UIMC1: variants seen among roughly 807,000 people sequenced by gnomAD.
UIMC1 encodes BRCA1-A complex subunit RAP80.
In UIMC1, 42 loss-of-function variants were observed where a neutral mutation model predicts 84.9. The ratio of observed to expected loss-of-function variants is 0.49; its 90% CI spans 0.39 to 0.64. The LOEUF (loss-of-function observed/expected upper bound fraction) is 0.64, where lower values mean the gene tolerates loss of function less well. Among genes scored for constraint, UIMC1 ranks in the 30% least tolerant of loss-of-function variants. The pLI is 0.00. For synonymous variants in UIMC1, 281 were observed against 293.0 expected, an observed-to-expected ratio of 0.96 and a Z score of 0.42; for missense variants, 825 against 847.6, an observed-to-expected ratio of 0.97 and a Z score of 0.33.
chr5:176,977,844 G>C (rs2149496052), intron 2 of UIMC1, among the ~76,000 whole-genome samples: 1 of 151,844 alleles, frequency 6.6e-6, no homozygotes, highest in Middle Eastern at 3.4e-3. Context: ...CTGGGAAGCA[G>C]AGGTTGCAGT....
At chr5:176,939,033 G>A (rs1764077855) in intron 10 of UIMC1, among the ~76,000 whole-genome samples, 3 of 151,550 alleles carry the variant, frequency 2.0e-5, no homozygotes, top group Non-Finnish European at 4.4e-5. Context: ...CGGGATGCCT[G>A]CTTGGGCCCA....
intron 1 of UIMC1, among the ~76,000 whole-genome samples, chr5:176,995,784 G>A (rs1206158487): frequency 3.4e-5 from 5 of 148,720 alleles, no homozygotes; most frequent in Admixed American, 2.0e-4. Flanking sequence ...CAGAGGTTGC[G>A]GTGAGCCGAG....
chr5:177,012,913 C>CA (rs1003417592), intron 1 of UIMC1, among the ~76,000 whole-genome samples: 2 of 150,936 alleles, frequency 1.3e-5, no homozygotes, highest in Non-Finnish European at 3.0e-5. Context: ...CCCATCTCTA[C>CA]AAAAAATGAA....
chr5:177,010,076 T>C (rs1195795002), upstream of UIMC1, among the ~76,000 whole-genome samples: 2 of 151,390 alleles, frequency 1.3e-5, no homozygotes, highest in Non-Finnish European at 2.9e-5. Flanking sequence ...AGTAGCCGCA[T>C]GTGGTGGTGT....
intron 3 of UIMC1, among the ~76,000 whole-genome samples, chr5:176,973,664 G>A (rs1421928486): frequency 1.3e-5 from 2 of 152,070 alleles, no homozygotes; most frequent in Non-Finnish European, 2.9e-5. Context: ...AGCTACTCAG[G>A]AGGCAGAGGT....
intron 1 of UIMC1, among the ~76,000 whole-genome samples, chr5:177,000,098 C>T (rs1026935091): frequency 2.6e-5 from 4 of 152,100 alleles, no homozygotes; most frequent in Non-Finnish European, 4.4e-5. Context: ...AGCTGGGATA[C>T]AGGCGCCCGC....
At chr5:176,949,212 G>A (rs1422972269) in intron 9 of UIMC1, among the ~76,000 whole-genome samples, 1 of 151,992 alleles carries the variant, frequency 6.6e-6, no homozygotes, top group East Asian at 1.9e-4. Context: ...TTGGTGTGCT[G>A]CACCCTTTTA....
upstream of UIMC1, among the ~76,000 whole-genome samples, chr5:177,007,340 C>CAAA (rs56871601): frequency 0.017 from 969 of 58,030 alleles, 15 homozygotes; most frequent in Middle Eastern, 0.038. Flanking sequence ...GACTCCGTCT[C>CAAA]AAAAAAAAAA....
chr5:176,921,864 TTCA>T (rs1264641179), intron 10 of UIMC1, among the ~76,000 whole-genome samples: 1 of 152,180 alleles, frequency 6.6e-6, no homozygotes, highest in East Asian at 1.9e-4. Flanking sequence ...CCTATGGCTT[TTCA>T]TCATATTTGG....
At chr5:176,937,624 C>T (rs945338585) in intron 10 of UIMC1, among the ~76,000 whole-genome samples, 2 of 152,232 alleles carry the variant, frequency 1.3e-5, no homozygotes, top group Non-Finnish European at 2.9e-5. Flanking sequence ...ATAATCAAAA[C>T]TTACAGCAAA....
upstream of UIMC1, among the ~76,000 whole-genome samples, chr5:177,010,117 G>A (rs978965169): frequency 1.3e-5 from 2 of 152,128 alleles, no homozygotes; most frequent in African/African-American, 4.8e-5. Context: ...TCGAGAGGCC[G>A]AGGCAGAAGG....
intron 10 of UIMC1, among the ~76,000 whole-genome samples, chr5:176,916,032 A>T (rs545640461): frequency 6.6e-6 from 1 of 152,294 alleles, no homozygotes; most frequent in South Asian, 2.1e-4. Context: ...AAATGTTATG[A>T]TCACAATGGA....
upstream of UIMC1, among the ~76,000 whole-genome samples, chr5:177,007,868 GC>G (rs952033442): frequency 6.6e-6 from 1 of 152,172 alleles, no homozygotes; most frequent in African/African-American, 2.4e-5. Context: ...ACTTTGGGGG[GC>G]CAAGGTAGGC....
chr5:176,953,527 C>G (rs1766183409), intron 8 of UIMC1, among the ~76,000 whole-genome samples: 1 of 151,872 alleles, frequency 6.6e-6, no homozygotes, highest in Non-Finnish European at 1.5e-5. Context: ...CACACACACA[C>G]ACACCTTATT....
intron 1 of UIMC1, among the ~76,000 whole-genome samples, chr5:177,004,519 G>A (rs746776696): frequency 6.6e-6 from 1 of 152,040 alleles, no homozygotes; most frequent in Non-Finnish European, 1.5e-5. Flanking sequence ...TTGAACTAAA[G>A]CTAAAATGAA....
intron 12 of UIMC1, among the ~76,000 whole-genome samples, chr5:176,907,599 C>T (rs866373395): frequency 1.2e-4 from 19 of 152,060 alleles, no homozygotes; most frequent in Non-Finnish European, 7.4e-5. Flanking sequence ...GTCGGTAACC[C>T]TAGAATATGG....
chr5:176,984,768 G>A (rs1771705836), intron 1 of UIMC1, among the ~76,000 whole-genome samples: 1 of 152,208 alleles, frequency 6.6e-6, no homozygotes, highest in Non-Finnish European at 1.5e-5. Context: ...TCTGCCTTGG[G>A]ATGCTGTTAA....
chr5:176,910,950 G>A (rs1026683562), intron 11 of UIMC1, among the ~76,000 whole-genome samples: 3 of 151,962 alleles, frequency 2.0e-5, no homozygotes, highest in Non-Finnish European at 2.9e-5. Context: ...TTAGCCGGGC[G>A]TGGTGGCGCA....
chr5:177,008,144 G>GT (rs1200359929), upstream of UIMC1, among the ~76,000 whole-genome samples: 2 of 150,530 alleles, frequency 1.3e-5, no homozygotes, highest in African/African-American at 4.9e-5. Flanking sequence ...AAAAATAAAC[G>GT]TAAGAAAATG....
Sources: gnomAD v4.1 joint callset for allele counts (sites outside exome capture counted in the v4.1 genomes callset) on GRCh38, gnomAD v4.1.1 for gene constraint, MANE v1.5 for transcripts, NCBI Gene and HGNC (gene_info 2026-07-23, HGNC 2026-07-21) for gene names.